Variants in AMMECR1 observed in about 807,000 individuals in gnomAD.
AMMECR1 encodes the protein nuclear protein AMMECR1.
Under a neutral mutation model 22.5 loss-of-function variants are expected in AMMECR1, and 3 were observed. The observed-to-expected ratio is 0.13, with a 90% CI of 0.06 to 0.35. The LOEUF (loss-of-function observed/expected upper bound fraction) is 0.35. Ranked by LOEUF, AMMECR1 falls within the 10% of genes least tolerant of loss-of-function variation. AMMECR1 has a pLI of 1.00. For synonymous variants in AMMECR1, 130 were observed against 116.7 expected (o/e 1.11, Z -0.74); for missense variants, 235 against 278.7 (o/e 0.84, Z 1.12).
intron 3 of AMMECR1, among the ~76,000 whole-genome samples, chrX:110,210,169 A>G (rs1377162239): frequency 9.1e-6 from 1 of 110,314 alleles, no homozygotes; most frequent in African/African-American, 3.3e-5. Flanking sequence ...GGCTTCTTAT[A>G]CATTGACTTG....
At chrX:110,255,481 G>C (rs1421368542) in intron 2 of AMMECR1, among the ~76,000 whole-genome samples, 2 of 111,697 alleles carry the variant, frequency 1.8e-5, no homozygotes, top group Non-Finnish European at 3.8e-5. Context: ...TTAGAAGAAT[G>C]GTTTAGGTTA....
chrX:110,413,005 A>G (rs745720319), intron 2 of AMMECR1, among the ~76,000 whole-genome samples: 1 of 112,082 alleles, frequency 8.9e-6, no homozygotes, highest in Non-Finnish European at 1.9e-5. Flanking sequence ...TTCCGAGGAC[A>G]GTTAATCCCA....
intron 2 of AMMECR1, among the ~76,000 whole-genome samples, chrX:110,375,084 G>A (rs965136395): frequency 9.0e-6 from 1 of 111,697 alleles, no homozygotes; most frequent in African/African-American, 3.3e-5. Context: ...AAGTAGGCAA[G>A]CTTAGCAAAC....
At chrX:110,438,126 A>T (rs1251819414) in intron 1 of AMMECR1, among the ~76,000 whole-genome samples, 2 of 111,032 alleles carry the variant, frequency 1.8e-5, no homozygotes, top group African/African-American at 6.6e-5. Flanking sequence ...TCCTGTTCTG[A>T]GGCTCATGTT....
At chrX:110,306,650 G>A (rs1189193601) in intron 1 of AMMECR1, 3 of 110,620 alleles carry the variant, frequency 2.7e-5, no homozygotes, top group Non-Finnish European at 5.7e-5. Flanking sequence ...TAGAGACGGG[G>A]TTTCTCCATA....
intron 1 of AMMECR1, among the ~76,000 whole-genome samples, chrX:110,317,080 G>A (rs2068052219): frequency 9.0e-6 from 1 of 111,619 alleles, no homozygotes; most frequent in East Asian, 2.8e-4. Flanking sequence ...GGAGAAGATG[G>A]GTAACCTCAC....
chrX:110,407,773 C>T (rs1352608841), intron 2 of AMMECR1, among the ~76,000 whole-genome samples: 1 of 112,262 alleles, frequency 8.9e-6, no homozygotes, highest in East Asian at 2.8e-4. Flanking sequence ...TAGAAGAGGG[C>T]CCTAACAGAA....
chrX:110,207,106 G>T (rs2067425383), intron 3 of AMMECR1, among the ~76,000 whole-genome samples: 1 of 111,470 alleles, frequency 9.0e-6, no homozygotes, highest in Non-Finnish European at 1.9e-5. Flanking sequence ...CTAACCTTTA[G>T]AGGCTGGTAT....
At chrX:110,210,560 A>C (rs1296910384) in intron 3 of AMMECR1, among the ~76,000 whole-genome samples, 1 of 111,943 alleles carries the variant, frequency 8.9e-6, no homozygotes, top group Non-Finnish European at 1.9e-5. Context: ...GCACATTAAG[A>C]GGAGCTAAAA....
intron 2 of AMMECR1, among the ~76,000 whole-genome samples, chrX:110,367,752 C>T (rs2068306961): frequency 1.8e-5 from 2 of 110,616 alleles, no homozygotes; most frequent in Admixed American, 9.7e-5. Flanking sequence ...TGACTTGACT[C>T]CCTTTTTCTC....
At chrX:110,318,693 C>G (rs1338238879), upstream of AMMECR1, among the ~76,000 whole-genome samples, 1 of 111,199 alleles carries the variant, frequency 9.0e-6, no homozygotes, top group African/African-American at 3.3e-5. Context: ...CTGAGACCGC[C>G]CCTGTAAAGT....
chrX:110,245,156 C>A (rs1237428498), intron 2 of AMMECR1, among the ~76,000 whole-genome samples: 1 of 112,037 alleles, frequency 8.9e-6, no homozygotes, highest in African/African-American at 3.2e-5. Flanking sequence ...GGATTTGGAT[C>A]TTCTCCCACT....
At chrX:110,248,925 A>C (rs2067672917) in intron 2 of AMMECR1, among the ~76,000 whole-genome samples, 1 of 112,374 alleles carries the variant, frequency 8.9e-6, no homozygotes, top group African/African-American at 3.2e-5. Flanking sequence ...ACAGAAAGAG[A>C]TCAATCACTT....
At chrX:110,342,121 CTT>C (rs1051352384) in intron 2 of AMMECR1, among the ~76,000 whole-genome samples, 2 of 110,362 alleles carry the variant, frequency 1.8e-5, no homozygotes, top group African/African-American at 6.6e-5. Context: ...ATAAAAAAAA[CTT>C]TTATTAAAGT....
rs145591801 is a variant in AMMECR1, at chrX:110,427,668, T to C, written c.-293-865A>G. Among the ~76,000 whole-genome samples the C allele has an allele frequency of 6.1e-3, 685 of 112,328 alleles. 3 individuals are homozygous for C. Among genetic ancestry groups the C allele is most frequent in the South Asian group, 9.7e-3 (26 of 2,674 alleles). On this transcript the variant is annotated intron_variant, in intron 1 of 7. Transcript: ENST00000372057. ...TAAAGTTCCCCAGGTGCTTCTAATA[T>C]ACAGTCAAGGCTGAGAACTACTGCT...
At chrX:110,368,787 C>T (rs1302664806) in intron 2 of AMMECR1, among the ~76,000 whole-genome samples, 1 of 111,568 alleles carries the variant, frequency 9.0e-6, no homozygotes. Context: ...GTAGCTGGCA[C>T]ATAATAGGTG....
intron 2 of AMMECR1, chrX:110,347,030 TA>T: frequency 2.2e-6 from 1 of 445,413 alleles, no homozygotes; most frequent in Non-Finnish European, 4.1e-6. Context: ...AGCATTCCTA[TA>T]CATTGATGAT....
chrX:110,355,604 GA>G (rs1210674386), intron 2 of AMMECR1, among the ~76,000 whole-genome samples: 1 of 111,816 alleles, frequency 8.9e-6, no homozygotes, highest in African/African-American at 3.3e-5. Flanking sequence ...AGAATATGGT[GA>G]AAAGAGAATC....
chrX:110,215,321 C>T (rs2067468240), intron 3 of AMMECR1, among the ~76,000 whole-genome samples: 1 of 111,173 alleles, frequency 9.0e-6, no homozygotes, highest in Admixed American at 9.5e-5. Flanking sequence ...GGTATAACAA[C>T]AATAATTTAT....
Sources: gnomAD v4.1 joint callset for allele counts (sites outside exome capture counted in the v4.1 genomes callset) on GRCh38, gnomAD v4.1.1 for gene constraint, MANE v1.5 for transcripts, NCBI Gene and HGNC (gene_info 2026-07-23, HGNC 2026-07-21) for gene names.